MADD: variants seen among roughly 807,000 people sequenced by gnomAD.
MADD encodes MAP kinase-activating death domain protein.
MADD carries 109 observed loss-of-function variants against 176.7 expected under a neutral mutation model. The observed-to-expected ratio is 0.62, with a 90% CI of 0.53 to 0.72. The LOEUF (loss-of-function observed/expected upper bound fraction) is 0.72. MADD is among the 30% of genes least tolerant of loss of function. The pLI is 0.00. For missense variants in MADD, 1,914 were observed against 2,045.5 expected, an observed-to-expected ratio of 0.94 and a Z score of 1.24; for synonymous variants, 771 against 771.3, an observed-to-expected ratio of 1.00 and a Z score of 0.01.
chr11:47,323,596 T>C, intron 27 of MADD, 75 bp from the exon 31 acceptor site: 7 of 1,524,040 alleles, frequency 4.6e-6, no homozygotes, highest in Non-Finnish European at 6.3e-6. Flanking sequence ...CAGGACCACC[T>C]TTCCCTGTAG....
At chr11:47,269,628 GCGCGCGCCCGGTGGAGGTAACCGCGGC>G (rs1253824577), upstream of MADD, 4 of 150,030 alleles carry the variant, frequency 2.7e-5, no homozygotes, top group East Asian at 4.1e-4. Flanking sequence ...CCCACTCCCC[GCGCGCGCCCGGTGGAGGTAACCGCGGC>G]CGCGCGCCCC....
chr11:47,303,301 G>GGATT (rs2079562236), intron 22 of MADD, among the ~76,000 whole-genome samples: 1 of 147,426 alleles, frequency 6.8e-6, no homozygotes, highest in African/African-American at 2.5e-5. Context: ...GAGTACAGTG[G>GGATT]TGCAATCTCG....
chr11:47,292,440 G>C lies in MADD; in HGVS notation c.3302-1443G>C. 3.0e-6 allele frequency: 3 copies of C among 985,524 alleles called. No individual in the cohort carries two copies. In the South Asian group the frequency reaches 3.9e-5, roughly 13 times the overall value. The allele number at this position is 985,524 out of a possible 1,614,324, so 61.0% of individuals were successfully genotyped here. ...TGTATCTCTTGGTTGGTAATCCAGT[G>C]CCTGAGACTGAATCGACTTGGGTGG... On this transcript the variant is annotated intron_variant, in intron 19 of 32. Transcript: ENST00000402192.
In MADD at chr11:47,292,604, A is replaced by G. The variant is rs1162364187; in HGVS notation, c.3302-1279A>G. 1 of 1,614,008 alleles carries G rather than the reference A, an allele frequency of 6.2e-7. No individual in the cohort carries two copies. The highest frequency in any genetic ancestry group is 8.5e-7 in the Non-Finnish European group (1 of 1,179,956). On this transcript the variant is annotated intron_variant, in intron 19 of 32. Coordinates refer to ENST00000402192, the Ensembl canonical transcript of MADD. ...AAGCTTTGGAAAAACAGAGTAAGGA[A>G]CAAATGCCCTTTCCTGTTCCCAAGT...
At chr11:47,329,465 T>A in exon 33 of MADD, 1 of 343,126 alleles carries the variant, frequency 2.9e-6, no homozygotes, top group South Asian at 3.7e-5. Flanking sequence ...TCCTTGTCCT[T>A]GTCCCTGGCG....
chr11:47,323,825 A>G (rs2094953673), exon 28 of MADD: 6 of 1,614,154 alleles, frequency 3.7e-6, no homozygotes, highest in Non-Finnish European at 5.1e-6. Context: ...AACAAGTTCT[A>G]TACTAAAAAG....
chr11:47,310,083 C>T (rs1013306113), intron 25 of MADD, among the ~76,000 whole-genome samples: 1 of 151,654 alleles, frequency 6.6e-6, no homozygotes, highest in South Asian at 2.1e-4. Context: ...CTCAAGTGGT[C>T]CACCCACCTT....
At chr11:47,328,479 G>C (rs2095700497) in intron 31 of MADD, 179 bp from the exon 36 acceptor site, 1 of 1,461,322 alleles carries the variant, frequency 6.8e-7, no homozygotes, top group Non-Finnish European at 9.0e-7. Flanking sequence ...CCAGCTGGCA[G>C]AGTCTGGACA....
At chr11:47,290,361 G>C in intron 18 of MADD, 62 bp downstream of exon 19, 1 of 1,580,302 alleles carries the variant, frequency 6.3e-7, no homozygotes, top group South Asian at 1.2e-5. Context: ...CTCCTGAAGA[G>C]AAAATATATG....
In MADD at chr11:47,290,030, C is replaced by T. The variant is rs770428871; in HGVS notation, c.2920C>T (p.Arg974Trp). The T allele has an allele frequency of 2.2e-5, 35 of 1,613,990 alleles. No individual in the cohort carries two copies. The East Asian group carries it at 2.2e-4, about 10-fold the overall frequency. Reference sequence around the variant, plus strand: ...CATGGTGCAGTCAGAGGACGATGCCCGGCAGGACATCATCCCGGATGTGGT... The same window carrying T: ...CATGGTGCAGTCAGAGGACGATGCCTGGCAGGACATCATCCCGGATGTGGT... The change falls in exon 17 of 33, where the codon CGG becomes TGG. Residue 974 changes from arginine to tryptophan, a missense_variant. Coordinates refer to ENST00000402192, the Ensembl canonical transcript of MADD.
intron 21 of MADD, 84 bp from the exon 24 acceptor site, chr11:47,295,813 T>C: frequency 6.5e-7 from 1 of 1,535,882 alleles, no homozygotes. Flanking sequence ...AATACTTTTT[T>C]ATGGTGGCAG....
chr11:47,279,688 A>G (rs1173111909), intron 7 of MADD, among the ~76,000 whole-genome samples: 1 of 151,542 alleles, frequency 6.6e-6, no homozygotes, highest in Non-Finnish European at 1.5e-5. Flanking sequence ...CGATTTTCTC[A>G]GTCTTGTTAG....
chr11:47,306,256 G>A (rs1289279917), intron 22 of MADD, among the ~76,000 whole-genome samples: 1 of 152,190 alleles, frequency 6.6e-6, no homozygotes, highest in African/African-American at 2.4e-5. Flanking sequence ...GCTGCTCACA[G>A]CTTGGCTTAG....
exon 9 of MADD, chr11:47,282,528 C>T (rs775691510): frequency 2.4e-5 from 38 of 1,614,054 alleles, no homozygotes; most frequent in African/African-American, 5.3e-5. Context: ...CTCCTTTTGC[C>T]GAGAAATTGG....
chr11:47,296,131 T>G (rs1234988627), intron 22 of MADD, 76 bp downstream of exon 24: 63 of 1,512,806 alleles, frequency 4.2e-5, no homozygotes, highest in Non-Finnish European at 5.6e-5. Context: ...GAATGAAAGT[T>G]AAGAGACGCT....
intron 6 of MADD, 119 bp downstream of exon 6, chr11:47,278,397 A>G: frequency 2.7e-6 from 2 of 739,374 alleles, no homozygotes; most frequent in Non-Finnish European, 4.6e-6. Flanking sequence ...GATAATTTCT[A>G]TTGCGAGACT....
upstream of MADD, chr11:47,270,114 CGAGT>C (rs536659716): frequency 5.3e-5 from 8 of 152,108 alleles, no homozygotes; most frequent in South Asian, 1.2e-3. Context: ...GCACCCCGCG[CGAGT>C]GGTGCGTGCC....
intron 8 of MADD, 128 bp downstream of exon 8, chr11:47,281,881 T>C (rs1565313148): frequency 1.8e-5 from 9 of 512,410 alleles, no homozygotes. Flanking sequence ...CTCACTCTTG[T>C]TGGAGTGCAA....
intron 3 of MADD, among the ~76,000 whole-genome samples, chr11:47,275,442 C>T (rs1292279783): frequency 6.6e-6 from 1 of 152,188 alleles, no homozygotes; most frequent in Non-Finnish European, 1.5e-5. Flanking sequence ...CAGGTGCACG[C>T]CACCATGACC....
Sources: allele counts gnomAD v4.1 joint callset (sites outside exome capture counted in the v4.1 genomes callset), GRCh38; gene constraint gnomAD v4.1.1; transcripts MANE v1.5; gene names NCBI Gene and HGNC (gene_info 2026-07-23, HGNC 2026-07-21).